ROBO1: variants seen among roughly 807,000 people sequenced by gnomAD.
The protein encoded by ROBO1 is roundabout guidance receptor 1, also known as roundabout homolog 1.
Under a neutral mutation model 195.9 loss-of-function variants are expected in ROBO1, and 149 were observed. That is an observed-to-expected ratio of 0.76 (90% CI 0.67 to 0.87). ROBO1 has a LOEUF of 0.87. Ranked by LOEUF, ROBO1 falls within the 40% of genes least tolerant of loss-of-function variation. The probability of loss-of-function intolerance (pLI) is 0.00; values close to 1 mark genes in which losing one functional copy is unlikely to be tolerated. For missense variants in ROBO1, 1,933 were observed against 2,068.3 expected, an observed-to-expected ratio of 0.93 and a Z score of 1.27; for synonymous variants, 816 against 733.2, an observed-to-expected ratio of 1.11 and a Z score of -1.82.
intron 2 of ROBO1, among the ~76,000 whole-genome samples, chr3:79,414,624 A>T (rs965711725): frequency 6.6e-6 from 1 of 152,144 alleles, no homozygotes; most frequent in Non-Finnish European, 1.5e-5. Context: ...ATAATCATCA[A>T]ATAAAAGCAA....
chr3:79,563,215 A>T (rs868509674), intron 2 of ROBO1, among the ~76,000 whole-genome samples: 1 of 152,054 alleles, frequency 6.6e-6, no homozygotes, highest in African/African-American at 2.4e-5. Context: ...AGCACACAAA[A>T]CTACTTGAAA....
intron 4 of ROBO1, among the ~76,000 whole-genome samples, chr3:78,771,008 A>G (rs2083359971): frequency 2.0e-5 from 3 of 152,228 alleles, no homozygotes; most frequent in Middle Eastern, 3.4e-3. Context: ...TTGAGGCTTT[A>G]GTGAGCTATG....
chr3:79,345,045 T>G (rs2109240485), intron 2 of ROBO1, among the ~76,000 whole-genome samples: 1 of 152,286 alleles, frequency 6.6e-6, no homozygotes, highest in East Asian at 1.9e-4. Context: ...CTTTAGAAAC[T>G]ACACAGTCTC....
chr3:79,442,878 C>G (rs1054162353), intron 2 of ROBO1, among the ~76,000 whole-genome samples: 1 of 152,020 alleles, frequency 6.6e-6, no homozygotes, highest in African/African-American at 2.4e-5. Flanking sequence ...ATGCAGGGTA[C>G]TTTTTATTGT....
chr3:79,552,464 G>T (rs1473408711), intron 2 of ROBO1, among the ~76,000 whole-genome samples: 3 of 151,892 alleles, frequency 2.0e-5, no homozygotes, highest in African/African-American at 7.3e-5. Flanking sequence ...ATTGAATGTG[G>T]ACATAGAGGG....
chr3:79,400,192 T>G (rs1441025307), intron 2 of ROBO1, among the ~76,000 whole-genome samples: 1 of 152,110 alleles, frequency 6.6e-6, no homozygotes, highest in African/African-American at 2.4e-5. Context: ...TTGCATTATT[T>G]CCTAGACATA....
intron 1 of ROBO1, among the ~76,000 whole-genome samples, chr3:79,610,407 T>A (rs977936635): frequency 1.3e-5 from 2 of 151,966 alleles, no homozygotes; most frequent in Non-Finnish European, 2.9e-5. Context: ...ATTATCTTAT[T>A]GTACTGTTCC....
chr3:78,816,795 G>C (rs967477126), intron 4 of ROBO1, among the ~76,000 whole-genome samples: 2 of 152,080 alleles, frequency 1.3e-5, no homozygotes, highest in African/African-American at 2.4e-5. Flanking sequence ...ACTCTCATGA[G>C]AAAACTTGAA....
At chr3:78,691,122 G>C (rs2081164274) in intron 8 of ROBO1, among the ~76,000 whole-genome samples, 1 of 152,040 alleles carries the variant, frequency 6.6e-6, no homozygotes, top group South Asian at 2.1e-4. Flanking sequence ...TTAAATATCA[G>C]TTGCAGTAGA....
chr3:79,262,080 T>C (rs2082949578), intron 2 of ROBO1, among the ~76,000 whole-genome samples: 2 of 152,112 alleles, frequency 1.3e-5, no homozygotes. Flanking sequence ...CAAGCCAGGC[T>C]ATCTATTATC....
intron 1 of ROBO1, among the ~76,000 whole-genome samples, chr3:79,628,385 A>G (rs1365353253): frequency 6.6e-6 from 1 of 152,188 alleles, no homozygotes; most frequent in Non-Finnish European, 1.5e-5. Flanking sequence ...ACACAGCAAC[A>G]GAAAACCAAA....
At chr3:79,703,486 AGT>A (rs1291045195) in intron 1 of ROBO1, among the ~76,000 whole-genome samples, 5 of 151,792 alleles carry the variant, frequency 3.3e-5, no homozygotes, top group African/African-American at 1.2e-4. Flanking sequence ...TGTTCCAAAG[AGT>A]GTTCCTGGAA....
chr3:79,062,310 T>C (rs2078933814), intron 3 of ROBO1, among the ~76,000 whole-genome samples: 1 of 151,930 alleles, frequency 6.6e-6, no homozygotes, highest in African/African-American at 2.4e-5. Context: ...ACCTTCTCAC[T>C]CCAGTTAGAA....
Position 79,609,933 on chromosome 3 carries a change from G to C in ROBO1, c.-50-19972C>G, listed in dbSNP as rs374573443. ...AGTTCTGGAGAAGAATGGTCATGATGGTTGAACCACAACCTGAATGAATGT... is the reference window on the plus strand; with the variant it reads ...AGTTCTGGAGAAGAATGGTCATGATCGTTGAACCACAACCTGAATGAATGT... On this transcript the variant is annotated intron_variant, in intron 1 of 30. Coordinates refer to ENST00000464233, the MANE Select transcript of ROBO1 (RefSeq NM_002941.4). 2.6e-5 allele frequency among the ~76,000 whole-genome samples: 4 copies of C among 151,788 alleles called. No individual in the cohort carries two copies. In the East Asian group the frequency reaches 7.7e-4, roughly 29 times the overall value.
At chr3:79,215,013 TA>T (rs1374390534) in intron 2 of ROBO1, among the ~76,000 whole-genome samples, 1 of 151,936 alleles carries the variant, frequency 6.6e-6, no homozygotes, top group Non-Finnish European at 1.5e-5. Flanking sequence ...ATAACATCTG[TA>T]AAAAGTTTTG....
rs78325111 is a variant in ROBO1 at position 79,361,087 on chromosome 3, C to T, written c.88+228737G>A. Among the ~76,000 whole-genome samples the T allele has an allele frequency of 6.3e-3, 962 of 152,110 alleles. 7 individuals carry two copies. Among genetic ancestry groups the T allele is most frequent in the Middle Eastern group, 0.048 (14 of 294 alleles). ...AGTATTGTGGTATCTAATGGACATG[C>T]CATATCACAAACAAAATTACTATAT... On this transcript the variant is annotated intron_variant, in intron 2 of 30. Transcript: ENST00000464233.
At chr3:79,161,982 A>C (rs1227674492) in intron 2 of ROBO1, among the ~76,000 whole-genome samples, 1 of 152,168 alleles carries the variant, frequency 6.6e-6, no homozygotes, top group East Asian at 1.9e-4. Context: ...GTCACCATGG[A>C]GGTGACTTTA....
intron 3 of ROBO1, among the ~76,000 whole-genome samples, chr3:79,028,178 C>A (rs1386299047): frequency 6.6e-6 from 1 of 151,876 alleles, no homozygotes; most frequent in Non-Finnish European, 1.5e-5. Flanking sequence ...ATTTCTAGAG[C>A]ATTTGGAAAC....
At chr3:78,703,665 G>C (rs1364203241) in intron 8 of ROBO1, among the ~76,000 whole-genome samples, 1 of 151,926 alleles carries the variant, frequency 6.6e-6, no homozygotes, top group Non-Finnish European at 1.5e-5. Context: ...TCCCTTAAGG[G>C]TAGCATTTTG....
Sources: gnomAD v4.1 joint callset for allele counts (sites outside exome capture counted in the v4.1 genomes callset) on GRCh38, gnomAD v4.1.1 for gene constraint, MANE v1.5 for transcripts, NCBI Gene and HGNC (gene_info 2026-07-23, HGNC 2026-07-21) for gene names.